SLCO3A1: variants seen among roughly 807,000 people sequenced by gnomAD.
The protein encoded by SLCO3A1 is PGE1 transporter.
SLCO3A1 carries 27 observed loss-of-function variants against 63.1 expected under a neutral mutation model. The observed-to-expected ratio is 0.43, with a 90% CI of 0.32 to 0.59. The LOEUF (loss-of-function observed/expected upper bound fraction) is 0.59, where lower values mean the gene tolerates loss of function less well. Ranked by LOEUF, SLCO3A1 falls within the 20% of genes least tolerant of loss-of-function variation. The probability of loss-of-function intolerance (pLI) is 0.09; values close to 1 mark genes in which losing one functional copy is unlikely to be tolerated. For synonymous variants in SLCO3A1, 473 were observed against 409.9 expected (o/e 1.15, Z -1.86); for missense variants, 773 against 945.8 (o/e 0.82, Z 2.40).
intron 2 of SLCO3A1, among the ~76,000 whole-genome samples, chr15:91,952,515 T>C (rs1344886261): frequency 6.6e-6 from 1 of 152,066 alleles, no homozygotes. Context: ...AGAGTAAAAA[T>C]GGGTGTGGTA....
At chr15:91,962,157 T>C (rs761583113) in intron 2 of SLCO3A1, among the ~76,000 whole-genome samples, 1 of 152,058 alleles carries the variant, frequency 6.6e-6, no homozygotes, top group African/African-American at 2.4e-5. Context: ...AGGTAGCATA[T>C]GAGGCAGTGA....
At chr15:92,050,279 G>A (rs1026886202) in intron 2 of SLCO3A1, among the ~76,000 whole-genome samples, 1 of 152,214 alleles carries the variant, frequency 6.6e-6, no homozygotes, top group African/African-American at 2.4e-5. Flanking sequence ...CTCTGCCCTT[G>A]AGGAGTCGCC....
chr15:92,128,306 A>G, intron 6 of SLCO3A1, 45 bp from the exon 7 acceptor site: 1 of 1,612,718 alleles, frequency 6.2e-7, no homozygotes, highest in Non-Finnish European at 8.5e-7. Context: ...TCTGATTCCG[A>G]ATTGACCTGT....
At chr15:92,149,637 T>G (rs934194295) in intron 8 of SLCO3A1, 6 of 152,202 alleles carry the variant, frequency 3.9e-5, no homozygotes, top group African/African-American at 9.6e-5. Flanking sequence ...TGTCCAGAGC[T>G]TTCAATAGTG....
chr15:92,083,822 G>A (rs1040011945), intron 2 of SLCO3A1, among the ~76,000 whole-genome samples: 2 of 152,192 alleles, frequency 1.3e-5, no homozygotes, highest in Non-Finnish European at 2.9e-5. Flanking sequence ...GCTGTGGAAA[G>A]CCCTTGTGAG....
intron 2 of SLCO3A1, among the ~76,000 whole-genome samples, chr15:91,988,521 A>T (rs1268462092): frequency 1.3e-5 from 2 of 148,170 alleles, no homozygotes; most frequent in African/African-American, 4.9e-5. Context: ...ATGGTTCAGC[A>T]TGAGACACGA....
Position 91,915,976 on chromosome 15 carries a change from C to A in SLCO3A1, c.181-17C>A, listed in dbSNP as rs551568501. On this transcript the variant is annotated splice_polypyrimidine_tract_variant and intron_variant, in intron 1 of 9. Transcript: ENST00000318445. ...TCTTCTTGGATTGGCTCTGACCTTT[C>A]TTCTTGCCCCCCTCAGGTGAGCGTC... The A allele has an allele frequency of 2.5e-6, 4 of 1,601,584 alleles. No individual in the cohort carries two copies. In the South Asian group the frequency reaches 4.4e-5, roughly 18 times the overall value.
intron 9 of SLCO3A1, 118 bp downstream of exon 9, chr15:92,151,132 T>A: frequency 1.4e-6 from 1 of 735,962 alleles, no homozygotes; most frequent in Non-Finnish European, 2.2e-6. Flanking sequence ...GCAGTTTAAT[T>A]ATTAGTAAAT....
chr15:91,962,019 C>T (rs967948621), intron 2 of SLCO3A1, among the ~76,000 whole-genome samples: 3 of 152,180 alleles, frequency 2.0e-5, no homozygotes, highest in Non-Finnish European at 4.4e-5. Flanking sequence ...ACAAAGTAGT[C>T]GCTGCTGAGT....
Position 91,967,876 on chromosome 15 carries a change from G to T in SLCO3A1, c.646+51418G>T, listed in dbSNP as rs1567042981. 6.6e-6 allele frequency among the ~76,000 whole-genome samples: 1 copy of T among 152,144 alleles called. No homozygotes were observed. Among genetic ancestry groups the T allele is most frequent in the East Asian group, 1.9e-4 (1 of 5,186 alleles). On this transcript the variant is annotated intron_variant, in intron 2 of 9. Coordinates refer to ENST00000318445, the MANE Select transcript of SLCO3A1 (RefSeq NM_013272.4). This position sits in a 1 kb window ranked among gnomAD's most constrained non-coding sequence, Gnocchi z 4.4. ...TCTTTCCTTGTCTGCTTTGTCTGCA[G>T]GATTCAGCACCAAGAGCTCTCAAGA... is the stretch of plus-strand genomic sequence containing the variant.
At chr15:91,963,414 G>GGT (rs1379811008) in intron 2 of SLCO3A1, among the ~76,000 whole-genome samples, 129 of 132,584 alleles carry the variant, frequency 9.7e-4, no homozygotes, top group Non-Finnish European at 1.2e-3. Flanking sequence ...AGGGTGGGGG[G>GGT]GGGGGGCGGC....
intron 2 of SLCO3A1, among the ~76,000 whole-genome samples, chr15:92,016,209 A>AT (rs1160438113): frequency 4.4e-5 from 3 of 67,946 alleles, no homozygotes; most frequent in African/African-American, 2.3e-4. Flanking sequence ...ATTTATATAG[A>AT]TAGATAGATA....
rs552781239 is a variant in SLCO3A1, at chr15:92,123,625, A to T, written c.1175-2436A>T. Among the ~76,000 whole-genome samples, 14 of 152,258 alleles carry T rather than the reference A, an allele frequency of 9.2e-5. No homozygotes were observed. The East Asian group carries it at 2.7e-3, about 29-fold the overall frequency. ...GCCCTTTAATATCTGCCCGACAGAG[A>T]TAGGGTAAAATACACCTCTTTATAA... On this transcript the variant is annotated intron_variant, in intron 5 of 9. Coordinates refer to ENST00000318445, the MANE Select transcript of SLCO3A1 (RefSeq NM_013272.4).
intron 9 of SLCO3A1, among the ~76,000 whole-genome samples, chr15:92,159,585 G>GAGAT (rs2048412500): frequency 2.7e-5 from 3 of 110,646 alleles, no homozygotes; most frequent in South Asian, 2.8e-4. Flanking sequence ...TTTTTTTTTG[G>GAGAT]AGATAGGATC....
At chr15:92,153,861 A>C (rs2048338675) in intron 9 of SLCO3A1, among the ~76,000 whole-genome samples, 1 of 152,112 alleles carries the variant, frequency 6.6e-6, no homozygotes, top group South Asian at 2.1e-4. Context: ...CTGGGGGGAA[A>C]GGGGGGACAG....
At chr15:91,918,156 G>A (rs768582202) in intron 2 of SLCO3A1, among the ~76,000 whole-genome samples, 2 of 152,244 alleles carry the variant, frequency 1.3e-5, no homozygotes, top group Non-Finnish European at 2.9e-5. Context: ...TGGTTTGAAT[G>A]TGCCAAAAGC....
At chr15:92,138,479 A>G (rs2048087206) in intron 7 of SLCO3A1, among the ~76,000 whole-genome samples, 1 of 119,446 alleles carries the variant, frequency 8.4e-6, no homozygotes, top group East Asian at 2.6e-4. Flanking sequence ...GTTCCATCTG[A>G]ACTTTAAAGT....
At chr15:91,895,991 T>G (rs1183454975) in intron 1 of SLCO3A1, among the ~76,000 whole-genome samples, 2 of 152,208 alleles carry the variant, frequency 1.3e-5, no homozygotes, top group Non-Finnish European at 2.9e-5. Context: ...AGCTATTCAG[T>G]TAAAAGCACT....
chr15:92,136,204 C>T (rs972155285), intron 7 of SLCO3A1, among the ~76,000 whole-genome samples: 24 of 152,324 alleles, frequency 1.6e-4, no homozygotes, highest in Middle Eastern at 3.4e-3. Context: ...CGATCCTCTA[C>T]CTTTCAAGTT....
Sources: gnomAD v4.1 joint callset for allele counts (sites outside exome capture counted in the v4.1 genomes callset) on GRCh38, gnomAD v4.1.1 for gene constraint, Gnocchi (gnomAD v3.1) non-coding constraint, MANE v1.5 for transcripts, NCBI Gene and HGNC (gene_info 2026-07-23, HGNC 2026-07-21) for gene names.